The following DEPDC7 variants were observed in gnomAD, a reference collection of about 807,000 sequenced individuals.
DEPDC7 encodes DEP domain-containing protein 7.
In DEPDC7, 41 loss-of-function variants were observed where a neutral mutation model predicts 56.6. That is an observed-to-expected ratio of 0.72 (90% confidence interval 0.56 to 0.94). The LOEUF (loss-of-function observed/expected upper bound fraction) is 0.94. Ranked by LOEUF, DEPDC7 falls within the 40% of genes least tolerant of loss-of-function variation. The pLI, the probability that DEPDC7 is intolerant of heterozygous loss-of-function variation, is 0.00. For missense variants in DEPDC7, 522 were observed against 596.3 expected, an observed-to-expected ratio of 0.88 and a Z score of 1.30; for synonymous variants, 185 against 208.8, an observed-to-expected ratio of 0.89 and a Z score of 0.98.
chr11:33,026,245 CAGA>C, intron 2 of DEPDC7, 196 bp downstream of exon 2: 2 of 610,358 alleles, frequency 3.3e-6, no homozygotes, highest in Non-Finnish European at 5.7e-6. Flanking sequence ...TTATATTTAG[CAGA>C]AGCAGTCAAC....
intron 1 of DEPDC7, 89 bp downstream of exon 1, chr11:33,016,117 G>C (rs906636115): frequency 1.0e-5 from 13 of 1,249,752 alleles, no homozygotes; most frequent in Non-Finnish European, 1.3e-5. Flanking sequence ...GGCGTGGGGC[G>C]TTCGGCCGCC....
chr11:33,029,621 G>T (rs565478566), intron 4 of DEPDC7, among the ~76,000 whole-genome samples: 3 of 151,554 alleles, frequency 2.0e-5, no homozygotes, highest in African/African-American at 7.3e-5. Context: ...CCTTAAAGAC[G>T]AGTTCTGTAT....
intron 1 of DEPDC7, chr11:33,016,718 T>C: frequency 1.2e-6 from 1 of 802,936 alleles, no homozygotes; most frequent in Non-Finnish European, 2.0e-6. Flanking sequence ...TTGGGGGCAG[T>C]TGATTTAGGA....
chr11:33,032,349 G>A lies in DEPDC7; in HGVS notation c.1008G>A (p.Thr336=), dbSNP rs183771544. 29 of 1,555,802 alleles carry A rather than the reference G, an allele frequency of 1.9e-5. No homozygotes were observed. Among genetic ancestry groups the A allele is most frequent in the African/African-American group, 4.3e-5 (3 of 70,282 alleles). Residue 336 remains threonine, a synonymous_variant, in exon 6 of 9, where the codon ACG becomes ACA. Coordinates refer to ENST00000241051, the MANE Select transcript of DEPDC7 (RefSeq NM_001077242.2). Reference sequence around the variant, plus strand: ...TTTTGGCTAAAGTGAATGGGAAGACGGAAATAGCTTTAGAAGCTACCCAGC... The same window carrying A: ...TTTTGGCTAAAGTGAATGGGAAGACAGAAATAGCTTTAGAAGCTACCCAGC... The part of the protein sequence containing the change: ...GIAELLVNGK[T]EIALEATQLL...
chr11:33,028,561 C>T (rs1168971475), intron 3 of DEPDC7, 42 bp from the exon 4 acceptor site: 1 of 1,484,636 alleles, frequency 6.7e-7, no homozygotes, highest in African/African-American at 1.4e-5. Flanking sequence ...CATATAGTAA[C>T]TATTAATTGT....
intron 1 of DEPDC7, among the ~76,000 whole-genome samples, chr11:33,021,715 G>C (rs574646304): frequency 1.3e-4 from 20 of 152,090 alleles, no homozygotes; most frequent in Non-Finnish European, 2.6e-4. Context: ...GGGAATTAAT[G>C]GTCAGTGAGA....
Position 33,032,886 on chromosome 11 carries a change from A to T in DEPDC7, c.1264-3A>T, listed in dbSNP as rs1484370125. The T allele has an allele frequency of 1.3e-6, 2 of 1,598,712 alleles. No homozygotes were observed. Among genetic ancestry groups the T allele is most frequent in the Non-Finnish European group, 1.7e-6 (2 of 1,174,172 alleles). On this transcript the variant is annotated splice_polypyrimidine_tract_variant and splice_region_variant and intron_variant, in intron 7 of 8. Transcript: ENST00000241051. The stretch of plus-strand genomic sequence containing the variant: ...ATGTCCCATGTCCCTTCTTTTTCTT[A>T]AGATTCCTGGAACTCTACATAAAAT...
chr11:33,026,546 G>C (rs983286557), intron 2 of DEPDC7: 1 of 189,820 alleles, frequency 5.3e-6, no homozygotes. Context: ...GTGACACAGA[G>C]GTATAATTGA....
chr11:33,032,453 CTTCT>C lies in DEPDC7; in HGVS notation c.1113_1116del (p.Glu373LeufsTer13). The C allele has an allele frequency of 6.4e-7, 1 of 1,562,332 alleles. No individual in the cohort carries two copies. The highest frequency in any genetic ancestry group is 8.6e-7 in the Non-Finnish European group (1 of 1,165,904). ...TATTTCATGGCTGTTGCAGCAAATC[CTTCT>C]GAGTTTAAATTACAGAAAGAAGTAA... On this transcript the variant is annotated frameshift_variant, in exon 6 of 9. Coordinates refer to ENST00000241051, the MANE Select transcript of DEPDC7 (RefSeq NM_001077242.2). LOFTEE classifies it high-confidence loss of function.
chr11:33,031,252 A>T (rs1300563403), intron 4 of DEPDC7, 126 bp from the exon 5 acceptor site: 2 of 664,396 alleles, frequency 3.0e-6, no homozygotes, highest in Non-Finnish European at 2.6e-6. Flanking sequence ...TTTTAAGCTC[A>T]TGTAGAAATT....
At chr11:33,024,219 A>G (rs1381093089) in intron 1 of DEPDC7, among the ~76,000 whole-genome samples, 2 of 152,174 alleles carry the variant, frequency 1.3e-5, no homozygotes, top group Non-Finnish European at 2.9e-5. Context: ...GTGATAGGAT[A>G]TTTTTGAAAG....
chr11:33,016,015 G>A lies in DEPDC7; in HGVS notation c.60G>A (p.Ala20=). The A allele has an allele frequency of 6.5e-7, 1 of 1,549,374 alleles. No individual in the cohort carries two copies. Among genetic ancestry groups the A allele is most frequent in the East Asian group, 2.5e-5 (1 of 39,442 alleles). The change falls in exon 1 of 9, where the codon GCG becomes GCA. Residue 20 remains alanine, a synonymous_variant. Transcript: ENST00000241051. ...ACCTCTCGGCTCTCCACAGCCCCGC[G>A]CACAGGCCTCCGGGTAGGTGCCGAG... ...ALNLSALHSP[A]HRPPGFSVAQ...
chr11:33,028,019 T>G (rs1747761976), intron 3 of DEPDC7: 1 of 410,378 alleles, frequency 2.4e-6, no homozygotes. Context: ...AACACTGACT[T>G]TTGTCCGATC....
Position 33,033,450 on chromosome 11 carries a change from G to T in DEPDC7, c.1531G>T (p.Asp511Tyr). ...HPDIFIEHFG[D>Y] ...AGACATCTTTATTGAGCATTTTGGA[G>T]ACTGAGTTTTTAATATCTGTATATA... Residue 511 changes from aspartate to tyrosine, a missense_variant, in exon 9 of 9, where the codon GAC (aspartate) becomes TAC (tyrosine). Transcript: ENST00000241051. 1 of 1,562,306 alleles carries T rather than the reference G, an allele frequency of 6.4e-7. No individual in the cohort carries two copies. Among genetic ancestry groups the T allele is most frequent in the South Asian group, 1.2e-5 (1 of 82,094 alleles).
intron 4 of DEPDC7, among the ~76,000 whole-genome samples, chr11:33,030,206 C>T (rs1853618558): frequency 6.6e-6 from 1 of 152,196 alleles, no homozygotes; most frequent in African/African-American, 2.4e-5. Flanking sequence ...GATCTGTCCA[C>T]CTTGGCCTCC....
In DEPDC7 at chr11:33,032,330, C is replaced by T. The variant is rs768322455; in HGVS notation, c.995-6C>T. 27 of 1,550,996 alleles carry T rather than the reference C, an allele frequency of 1.7e-5. No homozygotes were observed. The highest frequency in any genetic ancestry group is 2.3e-5 in the Admixed American group (1 of 42,718). ...ATTAAAAGCAGTTTTTTTCTTTTGG[C>T]TAAAGTGAATGGGAAGACGGAAATA... On this transcript the variant is annotated splice_region_variant and splice_polypyrimidine_tract_variant and intron_variant, in intron 5 of 8. Coordinates refer to ENST00000241051, the MANE Select transcript of DEPDC7 (RefSeq NM_001077242.2).
chr11:33,025,984 A>G lies in DEPDC7; in HGVS notation c.399A>G (p.Arg133=), dbSNP rs749025119. Residue 133 remains arginine, a synonymous_variant, in exon 2 of 9, where the codon AGA becomes AGG. Coordinates refer to ENST00000241051, the MANE Select transcript of DEPDC7 (RefSeq NM_001077242.2). ...AAGATAGTAGTTGCAGCCTTTATAG[A>G]TTCACCACAATACCTAACCAAGACA... ...TFEDSSCSLY[R]FTTIPNQDSQ... is the part of the protein sequence containing the mutation. The G allele has an allele frequency of 8.1e-6, 13 of 1,614,084 alleles. No homozygotes were observed. Among genetic ancestry groups the G allele is most frequent in the Non-Finnish European group, 8.5e-6 (10 of 1,179,996 alleles).
intron 1 of DEPDC7, chr11:33,016,543 A>C (rs761842467): frequency 6.2e-6 from 10 of 1,614,188 alleles, no homozygotes; most frequent in Non-Finnish European, 8.5e-6. Flanking sequence ...GGGAGGGATG[A>C]GAGGTTTATG....
At chr11:33,031,302 T>G in intron 4 of DEPDC7, 76 bp from the exon 5 acceptor site, 1 of 1,044,744 alleles carries the variant, frequency 9.6e-7, no homozygotes, top group African/African-American at 1.6e-5. Context: ...TTAGGTACCA[T>G]GTGTATATTT....
Sources: allele counts gnomAD v4.1 joint callset (sites outside exome capture counted in the v4.1 genomes callset), GRCh38; gene constraint gnomAD v4.1.1; transcripts MANE v1.5; gene names NCBI Gene and HGNC (gene_info 2026-07-23, HGNC 2026-07-21).